Variants in GRIK2 observed in about 807,000 individuals in gnomAD.
GRIK2 encodes glutamate ionotropic receptor kainate type subunit 2.
A neutral mutation model predicts 100.3 loss-of-function variants in GRIK2; 32 were observed. The ratio of observed to expected loss-of-function variants is 0.32; its 90% CI spans 0.24 to 0.43. GRIK2 has a LOEUF of 0.43. GRIK2 is among the 20% of genes least tolerant of loss of function. The pLI is 1.00. For missense variants in GRIK2, 843 were observed against 1,114.9 expected (o/e 0.76, Z 3.47); for synonymous variants, 417 against 389.4 (o/e 1.07, Z -0.83).
intron 2 of GRIK2, among the ~76,000 whole-genome samples, chr6:101,593,378 C>A: frequency 6.6e-6 from 1 of 151,770 alleles, no homozygotes; most frequent in East Asian, 1.9e-4. Flanking sequence ...GTGTAATGAG[C>A]ATCATAATAA....
At chr6:101,625,408 A>AAATG (rs1335702220) in intron 3 of GRIK2, among the ~76,000 whole-genome samples, 1 of 151,242 alleles carries the variant, frequency 6.6e-6, no homozygotes, top group Non-Finnish European at 1.5e-5. Flanking sequence ...ATAAATAAAT[A>AAATG]AATAAATAAA....
intron 2 of GRIK2, 137 bp from the exon 3 acceptor site, chr6:101,621,812 T>TTC (rs984720207): frequency 7.7e-6 from 5 of 646,208 alleles, no homozygotes; most frequent in African/African-American, 3.7e-5. Context: ...CTCTCTCTCT[T>TTC]TCTCTCTCTC....
intron 2 of GRIK2, among the ~76,000 whole-genome samples, chr6:101,603,139 A>G (rs1230776030): frequency 2.0e-5 from 3 of 149,688 alleles, no homozygotes; most frequent in Non-Finnish European, 4.5e-5. Context: ...AGATCTTATC[A>G]TATACCTGAA....
chr6:101,495,124 GTGTA>G (rs954778668), intron 2 of GRIK2, among the ~76,000 whole-genome samples: 8 of 151,140 alleles, frequency 5.3e-5, no homozygotes, highest in Non-Finnish European at 1.2e-4. Context: ...ATTCTATATT[GTGTA>G]TGTATCTATC....
chr6:101,898,166 C>T (rs1006835748), intron 12 of GRIK2, among the ~76,000 whole-genome samples: 5 of 151,742 alleles, frequency 3.3e-5, no homozygotes, highest in African/African-American at 9.7e-5. Flanking sequence ...CAGCCCCTCA[C>T]CCTCACCACA....
intron 7 of GRIK2, among the ~76,000 whole-genome samples, chr6:101,788,630 A>T (rs953160598): frequency 6.6e-5 from 10 of 152,060 alleles, no homozygotes; most frequent in African/African-American, 1.7e-4. Context: ...TTTGGGTTGG[A>T]TCCAAGTCTT....
At chr6:101,804,356 G>C (rs1288447687) in intron 9 of GRIK2, among the ~76,000 whole-genome samples, 1 of 151,978 alleles carries the variant, frequency 6.6e-6, no homozygotes, top group Non-Finnish European at 1.5e-5. Flanking sequence ...CAGGGTATTA[G>C]AACACAATGT....
intron 10 of GRIK2, among the ~76,000 whole-genome samples, chr6:101,828,503 AC>A (rs983116328): frequency 1.3e-5 from 2 of 151,954 alleles, no homozygotes; most frequent in African/African-American, 4.8e-5. Context: ...CGAAAGGATA[AC>A]AACATTGATA....
At chr6:102,034,237 C>T (rs1223967117) in intron 14 of GRIK2, among the ~76,000 whole-genome samples, 1 of 151,278 alleles carries the variant, frequency 6.6e-6, no homozygotes, top group Non-Finnish European at 1.5e-5. Flanking sequence ...TACTTATTTC[C>T]ATTTTATCAT....
At chr6:101,629,211 C>G (rs1780598522) in intron 4 of GRIK2, among the ~76,000 whole-genome samples, 1 of 152,024 alleles carries the variant, frequency 6.6e-6, no homozygotes, top group African/African-American at 2.4e-5. Context: ...TTGCCACTCC[C>G]TTGGCTTTGA....
In GRIK2 at chr6:101,639,897, A is replaced by G. The variant is rs139164659; in HGVS notation, c.541+13260A>G. ...GGAACCAAACAAATAATTTTTTTGCATGAATGCATTAAATGCGTACTAATA... is the reference window on the plus strand; with the variant it reads ...GGAACCAAACAAATAATTTTTTTGCGTGAATGCATTAAATGCGTACTAATA... On this transcript the variant is annotated intron_variant, in intron 4 of 16. Transcript: ENST00000369134. Among the ~76,000 whole-genome samples, 94 of 152,298 alleles carry G rather than the reference A, an allele frequency of 6.2e-4. No homozygotes were observed. In the East Asian group the frequency reaches 0.011, roughly 18 times the overall value.
intron 7 of GRIK2, among the ~76,000 whole-genome samples, chr6:101,750,535 G>A (rs895242858): frequency 2.0e-5 from 3 of 152,112 alleles, no homozygotes. Flanking sequence ...TTCTTCCATG[G>A]CTAGCTGATT....
Position 101,748,339 on chromosome 6 carries a change from A to G in GRIK2, c.952-51309A>G, listed in dbSNP as rs150845975. Among the ~76,000 whole-genome samples, 479 of 152,276 alleles carry G rather than the reference A, an allele frequency of 3.1e-3. 1 individual carries two copies. Among genetic ancestry groups the G allele is most frequent in the Middle Eastern group, 6.8e-3 (2 of 294 alleles). On this transcript the variant is annotated intron_variant, in intron 7 of 16. Transcript: ENST00000369134. ...GCACAAAACAGATAATTAAATAAAAATTATTTAGTAGTGATAAAATTTGTA... is the reference window on the plus strand; with the variant it reads ...GCACAAAACAGATAATTAAATAAAAGTTATTTAGTAGTGATAAAATTTGTA...
At chr6:101,874,346 A>G (rs555659314) in intron 11 of GRIK2, among the ~76,000 whole-genome samples, 1 of 152,086 alleles carries the variant, frequency 6.6e-6, no homozygotes, top group Non-Finnish European at 1.5e-5. Context: ...CCATTTATTA[A>G]ATAGGGAATC....
chr6:101,618,096 A>G (rs1779984156), intron 2 of GRIK2, among the ~76,000 whole-genome samples: 1 of 151,548 alleles, frequency 6.6e-6, no homozygotes, highest in South Asian at 2.1e-4. Flanking sequence ...CTTTATAAGC[A>G]TCACTTTTTG....
At chr6:101,743,461 A>T (rs1009664632) in intron 7 of GRIK2, among the ~76,000 whole-genome samples, 2 of 152,122 alleles carry the variant, frequency 1.3e-5, no homozygotes, top group African/African-American at 4.8e-5. Context: ...ACACGTTGGG[A>T]TGCAATTCAC....
intron 16 of GRIK2, among the ~76,000 whole-genome samples, chr6:102,059,925 TA>T (rs1006070940): frequency 2.5e-4 from 37 of 149,926 alleles, no homozygotes; most frequent in African/African-American, 8.3e-4. Context: ...TTTCCTGACA[TA>T]AAAAAAATCT....
At chr6:101,972,665 G>C (rs1453229693) in intron 14 of GRIK2, among the ~76,000 whole-genome samples, 1 of 151,640 alleles carries the variant, frequency 6.6e-6, no homozygotes, top group Non-Finnish European at 1.5e-5. Flanking sequence ...TATTTCCTAG[G>C]TTTGTAGTCG....
chr6:101,699,103 A>G (rs1772698368), intron 7 of GRIK2, among the ~76,000 whole-genome samples: 1 of 152,144 alleles, frequency 6.6e-6, no homozygotes, highest in South Asian at 2.1e-4. Context: ...CAAGCTAGAG[A>G]ATTTCATAGC....
Sources: allele counts gnomAD v4.1 joint callset (sites outside exome capture counted in the v4.1 genomes callset), GRCh38; gene constraint gnomAD v4.1.1; transcripts MANE v1.5; gene names NCBI Gene and HGNC (gene_info 2026-07-23, HGNC 2026-07-21).